Variants in HECW1 observed in about 807,000 individuals in gnomAD.
The protein encoded by HECW1 is E3 ubiquitin-protein ligase HECW1.
In HECW1, 61 loss-of-function variants were observed where a neutral mutation model predicts 182.3. That is an observed-to-expected ratio of 0.33 (90% CI 0.27 to 0.41). The LOEUF is 0.41. Ranked by LOEUF, HECW1 falls within the 10% of genes least tolerant of loss-of-function variation. The pLI is 1.00. For synonymous variants in HECW1, 859 were observed against 832.6 expected (o/e 1.03, Z -0.55); for missense variants, 1,739 against 2,108.9 (o/e 0.82, Z 3.44).
intron 17 of HECW1, among the ~76,000 whole-genome samples, chr7:43,488,474 AAGAAAGAAAGAAAG>A (rs1563046543): frequency 5.4e-5 from 8 of 147,046 alleles, no homozygotes; most frequent in South Asian, 2.2e-4. Flanking sequence ...GAAAGAAAGA[AAGAAAGAAAGAAAG>A]AGAAAGAAAG....
chr7:43,247,862 AAAG>A (rs1184191759), intron 3 of HECW1, among the ~76,000 whole-genome samples: 13 of 111,324 alleles, frequency 1.2e-4, no homozygotes, highest in Non-Finnish European at 1.6e-4. Flanking sequence ...GGAAGGAAAG[AAAG>A]AAGAAAGCAA....
intron 29 of HECW1, among the ~76,000 whole-genome samples, chr7:43,558,189 C>T (rs1270004892): frequency 6.6e-6 from 1 of 152,038 alleles, no homozygotes; most frequent in Non-Finnish European, 1.5e-5. Context: ...AGGAAAGGCT[C>T]AGAAGGAAAG....
At position 43,112,893 on chromosome 7, in the gene HECW1, CG is replaced by C. The variant is rs1421473584; in HGVS notation, c.-310del. 1 of 221,270 alleles carries C rather than the reference CG, an allele frequency of 4.5e-6. No individual in the cohort carries two copies. The highest frequency in any genetic ancestry group is 5.8e-5 in the Admixed American group (1 of 17,370). 13.7% of individuals were successfully genotyped at this position (221,270 alleles called of 1,614,324 possible). ...ACGTGCGCCCCCCAGCTCTAATCTG[CG>C]CGCTGACAGGAGCATGATCTGTGCC... is the stretch of plus-strand genomic sequence containing the variant. On this transcript the variant is annotated 5_prime_UTR_variant, in exon 1 of 30. Coordinates refer to ENST00000395891, the MANE Select transcript of HECW1 (RefSeq NM_015052.5).
chr7:43,246,060 A>T (rs1456094595), intron 3 of HECW1, among the ~76,000 whole-genome samples: 1 of 152,078 alleles, frequency 6.6e-6, no homozygotes, highest in Non-Finnish European at 1.5e-5. Context: ...TAAGCTCTGG[A>T]GGCTAAGGCA....
At chr7:43,500,321 A>T (rs2079294993) in intron 19 of HECW1, among the ~76,000 whole-genome samples, 1 of 152,016 alleles carries the variant, frequency 6.6e-6, no homozygotes, top group African/African-American at 2.4e-5. Flanking sequence ...GCTGGTCTTG[A>T]ACTCCTGATC....
intron 13 of HECW1, among the ~76,000 whole-genome samples, chr7:43,456,677 T>C (rs971628977): frequency 1.3e-5 from 2 of 152,194 alleles, no homozygotes; most frequent in Non-Finnish European, 2.9e-5. Context: ...TCGTCTAAAC[T>C]TCTTAATAGC....
intron 3 of HECW1, among the ~76,000 whole-genome samples, chr7:43,254,743 C>A (rs887529919): frequency 1.3e-5 from 2 of 152,354 alleles, no homozygotes; most frequent in East Asian, 1.9e-4. Context: ...CATCTCTCTT[C>A]GCTTCCAGCA....
intron 2 of HECW1, among the ~76,000 whole-genome samples, chr7:43,120,175 G>A (rs932715507): frequency 1.3e-5 from 2 of 152,134 alleles, no homozygotes; most frequent in African/African-American, 4.8e-5. Context: ...TACAGGGCTT[G>A]CCTTGCCACT....
chr7:43,247,443 A>G (rs945235283), intron 3 of HECW1, among the ~76,000 whole-genome samples: 1 of 152,186 alleles, frequency 6.6e-6, no homozygotes, highest in African/African-American at 2.4e-5. Flanking sequence ...AGACCAGTCT[A>G]TATAAGCCTG....
intron 17 of HECW1, among the ~76,000 whole-genome samples, chr7:43,488,397 AG>A (rs2078755147): frequency 8.0e-6 from 1 of 125,672 alleles, no homozygotes; most frequent in African/African-American, 3.3e-5. Context: ...GAAGGAAGGA[AG>A]GAAATGAAAG....
intron 17 of HECW1, among the ~76,000 whole-genome samples, chr7:43,483,464 G>C (rs2152910677): frequency 6.6e-6 from 1 of 151,046 alleles, no homozygotes; most frequent in East Asian, 2.0e-4. Flanking sequence ...TTACAGTCCA[G>C]TAAACTGAAA....
chr7:43,269,199 C>T (rs1160682987), intron 3 of HECW1, among the ~76,000 whole-genome samples: 5 of 152,220 alleles, frequency 3.3e-5, no homozygotes, highest in Admixed American at 2.0e-4. Context: ...GCCTGCCATT[C>T]ATACACCTTG....
At chr7:43,183,760 A>C (rs1424882015) in intron 2 of HECW1, among the ~76,000 whole-genome samples, 2 of 151,988 alleles carry the variant, frequency 1.3e-5, no homozygotes, top group African/African-American at 4.8e-5. Context: ...ATTTATCTTA[A>C]CTAATAAGAC....
intron 19 of HECW1, among the ~76,000 whole-genome samples, chr7:43,494,954 C>T (rs559053698): frequency 3.3e-5 from 5 of 152,256 alleles, no homozygotes; most frequent in South Asian, 2.1e-4. Flanking sequence ...TTTGTCTTTC[C>T]GGGAATGACT....
chr7:43,286,642 T>A (rs1804673472), intron 3 of HECW1, among the ~76,000 whole-genome samples: 1 of 152,190 alleles, frequency 6.6e-6, no homozygotes, highest in African/African-American at 2.4e-5. Context: ...TTTTAAATGA[T>A]TTTTGTGCCC....
chr7:43,415,695 T>TTTTCCA (rs1301453204), intron 8 of HECW1, among the ~76,000 whole-genome samples: 26 of 144,288 alleles, frequency 1.8e-4, no homozygotes, highest in Middle Eastern at 7.0e-3. Context: ...TCTTTTCACA[T>TTTTCCA]AGTCCCATAT....
Position 43,541,883 on chromosome 7 carries a change from G to A in HECW1, c.4133G>A (p.Ser1378Asn). Residue 1378 changes from serine to asparagine, a missense_variant, in exon 26 of 30, where the codon AGT becomes AAT. By Grantham distance (46) the Ser-to-Asn change is conservative. Around this residue, in one of 5 missense-constraint regions of HECW1, gnomAD observed 420 missense variants for 595.7 expected, o/e 0.71. Transcript: ENST00000395891. ...KALLRLPCDL[S>N]DLEYLDEEFH... The stretch of plus-strand genomic sequence containing the variant: ...AATTCACCCAGGCCCTGTGATTTGA[G>A]TGACCTGGAATATTTGGATGAGGAA... 1 of 1,522,440 alleles carries A rather than the reference G, an allele frequency of 6.6e-7. No individual in the cohort carries two copies. Among genetic ancestry groups the A allele is most frequent in the Non-Finnish European group, 8.8e-7 (1 of 1,135,768 alleles). The allele number at this position is 1,522,440 out of a possible 1,614,324, so 94.3% of individuals were successfully genotyped here.
intron 24 of HECW1, chr7:43,522,599 T>A (rs1199817561): frequency 6.5e-6 from 1 of 153,560 alleles, no homozygotes; most frequent in Non-Finnish European, 1.4e-5. Context: ...CACCTCACCC[T>A]CCAAGCAGGC....
intron 3 of HECW1, among the ~76,000 whole-genome samples, chr7:43,280,617 T>C (rs1803765130): frequency 6.6e-6 from 1 of 152,160 alleles, no homozygotes; most frequent in Non-Finnish European, 1.5e-5. Flanking sequence ...AGAAGACTTT[T>C]GAGAGGAGGA....
Sources: allele counts gnomAD v4.1 joint callset (sites outside exome capture counted in the v4.1 genomes callset), GRCh38; gene constraint gnomAD v4.1.1; regional missense constraint gnomAD v4.1.1; transcripts MANE v1.5; gene names NCBI Gene and HGNC (gene_info 2026-07-23, HGNC 2026-07-21).